Variants in CCND3 observed in about 807,000 individuals in gnomAD.
CCND3 encodes the protein G1/S-specific cyclin-D3.
In CCND3, 9 loss-of-function variants were observed where a neutral mutation model predicts 28.7. The observed-to-expected ratio is 0.31, with a 90% CI of 0.19 to 0.55. CCND3 has a LOEUF of 0.55. Among genes scored for constraint, CCND3 ranks in the 20% least tolerant of loss-of-function variants. CCND3 has a pLI of 0.93. For missense variants in CCND3, 315 were observed against 385.8 expected (o/e 0.82, Z 1.54); for synonymous variants, 164 against 163.9 (o/e 1.00, Z 0.00).
intron 1 of CCND3, 23 bp from the exon 2 acceptor site, chr6:41,940,608 T>C: frequency 6.9e-7 from 1 of 1,446,098 alleles, no homozygotes; most frequent in Non-Finnish European, 9.4e-7. Context: ...GCACAGTCAC[T>C]GCTGGGTCTG....
At chr6:42,017,576 C>T (rs1005804386) in intron 1 of CCND3, among the ~76,000 whole-genome samples, 28 of 152,186 alleles carry the variant, frequency 1.8e-4, no homozygotes, top group South Asian at 2.1e-4. Context: ...CCACTACTGC[C>T]ATGTATTGCA....
intron 1 of CCND3, among the ~76,000 whole-genome samples, chr6:41,995,403 A>C (rs1385880231): frequency 1.3e-5 from 2 of 151,958 alleles, no homozygotes; most frequent in Non-Finnish European, 2.9e-5. Context: ...GACTACAGGC[A>C]CCCACCACCA....
At chr6:42,020,815 G>T (rs1763688844) in intron 1 of CCND3, among the ~76,000 whole-genome samples, 1 of 152,182 alleles carries the variant, frequency 6.6e-6, no homozygotes, top group Admixed American at 6.5e-5. Flanking sequence ...GCAATGGCAT[G>T]ATCTCAGCTC....
chr6:41,954,551 CAAA>C (rs34116961), intron 1 of CCND3, among the ~76,000 whole-genome samples: 21 of 122,608 alleles, frequency 1.7e-4, no homozygotes, highest in Admixed American at 1.7e-4. Flanking sequence ...GACTCTGTCT[CAAA>C]AAAAAAAAAA....
At chr6:41,943,249 A>G (rs1776088897), upstream of CCND3, among the ~76,000 whole-genome samples, 1 of 152,242 alleles carries the variant, frequency 6.6e-6, no homozygotes. Flanking sequence ...CAAAAATACA[A>G]ATAAGCCACA....
At chr6:41,971,816 G>A (rs1390785641) in intron 1 of CCND3, among the ~76,000 whole-genome samples, 1 of 151,364 alleles carries the variant, frequency 6.6e-6, no homozygotes, top group Admixed American at 6.6e-5. Context: ...GGGATTACAG[G>A]TGTGAGCCAC....
intron 1 of CCND3, among the ~76,000 whole-genome samples, chr6:41,947,893 T>A (rs1430917385): frequency 6.6e-6 from 1 of 152,080 alleles, no homozygotes; most frequent in Non-Finnish European, 1.5e-5. Flanking sequence ...GGCTCCCCAT[T>A]TCATTTGGAG....
intron 1 of CCND3, among the ~76,000 whole-genome samples, chr6:42,003,314 T>C (rs1372619275): frequency 1.1e-4 from 16 of 148,152 alleles, no homozygotes; most frequent in African/African-American, 4.0e-4. Flanking sequence ...TTACCTGAGG[T>C]CAGGAGTTTG....
intron 1 of CCND3, among the ~76,000 whole-genome samples, chr6:42,006,797 A>T (rs1763187764): frequency 6.6e-6 from 1 of 151,600 alleles, no homozygotes. Flanking sequence ...AGTCCCAGCT[A>T]CTCGGGAGGC....
chr6:42,017,571 A>G (rs1317049917), intron 1 of CCND3, among the ~76,000 whole-genome samples: 1 of 152,156 alleles, frequency 6.6e-6, no homozygotes, highest in African/African-American at 2.4e-5. Context: ...AAGATCCACT[A>G]CTGCCATGTA....
intron 1 of CCND3, among the ~76,000 whole-genome samples, chr6:42,046,105 CT>C (rs747421140): frequency 4.6e-5 from 7 of 152,224 alleles, no homozygotes; most frequent in Non-Finnish European, 1.0e-4. Flanking sequence ...ACACACATCC[CT>C]TTCTCAAAGA....
chr6:41,970,899 C>T (rs964424399), intron 1 of CCND3, among the ~76,000 whole-genome samples: 1 of 150,956 alleles, frequency 6.6e-6, no homozygotes, highest in African/African-American at 2.4e-5. Context: ...CTTTTTTCCA[C>T]AAACTTGCTC....
intron 1 of CCND3, among the ~76,000 whole-genome samples, chr6:41,997,917 G>A (rs1406784510): frequency 6.6e-6 from 1 of 151,754 alleles, no homozygotes. Flanking sequence ...TGAGGCGGGT[G>A]GATCACCTGA....
At chr6:42,039,625 T>C (rs1033075355) in intron 1 of CCND3, among the ~76,000 whole-genome samples, 1 of 152,198 alleles carries the variant, frequency 6.6e-6, no homozygotes, top group Non-Finnish European at 1.5e-5. Flanking sequence ...AAAATGAGCA[T>C]TGAAGGGCAG....
chr6:41,976,372 C>G (rs1306145208), intron 1 of CCND3, among the ~76,000 whole-genome samples: 1 of 151,868 alleles, frequency 6.6e-6, no homozygotes, highest in African/African-American at 2.4e-5. Flanking sequence ...AAAAAATTAG[C>G]TGGGTGTGAT....
Position 41,935,996 on chromosome 6 carries a change from T to A in CCND3, c.823A>T (p.Ser275Cys). 1 of 1,613,576 alleles carries A rather than the reference T, an allele frequency of 6.2e-7. No individual in the cohort carries two copies. Among genetic ancestry groups the A allele is most frequent in the Non-Finnish European group, 8.5e-7 (1 of 1,179,832 alleles). ...GTGCTGGTCTGGCTGGGCCCTTGGCTGCTGGAGCCCCGGGGGGCTTTGGGC... is the reference window on the plus strand; with the variant it reads ...GTGCTGGTCTGGCTGGGCCCTTGGCAGCTGGAGCCCCGGGGGGCTTTGGGC... Reference protein sequence around the residue: ...PAPKAPRGSSSQGPSQTSTPT... With the variant: ...PAPKAPRGSSCQGPSQTSTPT... Residue 275 changes from serine to cysteine, a missense_variant, in exon 5 of 5, where the codon AGC becomes TGC. Physicochemically the swap from Ser to Cys is moderately radical, Grantham distance 112. Transcript: ENST00000372991.
intron 1 of CCND3, among the ~76,000 whole-genome samples, chr6:41,975,566 T>C (rs190266495): frequency 2.6e-5 from 4 of 152,210 alleles, no homozygotes; most frequent in Admixed American, 2.0e-4. Flanking sequence ...ATTATCTTAC[T>C]GTAGGATCTT....
chr6:41,964,534 G>A (rs1452086859), intron 1 of CCND3, among the ~76,000 whole-genome samples: 1 of 152,032 alleles, frequency 6.6e-6, no homozygotes, highest in Non-Finnish European at 1.5e-5. Context: ...GTGTGTGCAT[G>A]CACATGCACA....
Position 41,935,718 on chromosome 6 carries a change from A to G in CCND3, c.*222T>C. ...AGTTGGGAAAGGCGCTGCTGGTCAG[A>G]TGCAGGGAGGAGGAGCTTGACTAGC... On this transcript the variant is annotated 3_prime_UTR_variant, in exon 5 of 5. Transcript: ENST00000372991. The G allele has an allele frequency of 1.8e-6, 1 of 561,328 alleles. No individual in the cohort carries two copies. 34.8% of individuals were successfully genotyped at this position (561,328 alleles called of 1,614,324 possible).
Sources: allele counts gnomAD v4.1 joint callset (sites outside exome capture counted in the v4.1 genomes callset), GRCh38; gene constraint gnomAD v4.1.1; transcripts MANE v1.5; gene names NCBI Gene and HGNC (gene_info 2026-07-23, HGNC 2026-07-21).